HIVEP1: variants seen among roughly 807,000 people sequenced by gnomAD.
HIVEP1 encodes zinc finger protein 40.
In HIVEP1, 36 loss-of-function variants were observed where a neutral mutation model predicts 180.0. The observed-to-expected ratio is 0.20, with a 90% CI of 0.15 to 0.26. HIVEP1 has a LOEUF of 0.26. HIVEP1 is among the 10% of genes least tolerant of loss of function. The pLI, the probability that HIVEP1 is intolerant of heterozygous loss-of-function variation, is 1.00. For missense variants in HIVEP1, 3,143 were observed against 3,268.7 expected, an observed-to-expected ratio of 0.96 and a Z score of 0.94; for synonymous variants, 1,239 against 1,239.0, an observed-to-expected ratio of 1.00 and a Z score of 0.00.
chr6:12,139,474 T>C (rs74605239), intron 7 of HIVEP1, among the ~76,000 whole-genome samples: 1 of 152,300 alleles, frequency 6.6e-6, no homozygotes, highest in Admixed American at 6.5e-5. Context: ...GTTCATCTCA[T>C]TGGGACTGGT....
At chr6:12,168,063 AC>A (rs368042287), downstream of HIVEP1, among the ~76,000 whole-genome samples, 7,803 of 16,476 alleles carry the variant, frequency 0.47, 2,843 homozygotes, top group East Asian at 0.81. Context: ...GTGTATATAT[AC>A]ATATATATGT....
chr6:12,158,499 G>A (rs746386742), intron 7 of HIVEP1, among the ~76,000 whole-genome samples: 1 of 152,160 alleles, frequency 6.6e-6, no homozygotes, highest in Admixed American at 6.5e-5. Flanking sequence ...TTCTCTCCAA[G>A]CACTGTTTTG....
intron 2 of HIVEP1, among the ~76,000 whole-genome samples, chr6:12,056,460 A>C (rs966408405): frequency 7.2e-5 from 11 of 152,102 alleles, no homozygotes; most frequent in Non-Finnish European, 1.2e-4. Context: ...TTTGTTGTAC[A>C]TTTGAAAGTG....
chr6:12,061,866 C>A (rs1367101071), intron 2 of HIVEP1, among the ~76,000 whole-genome samples: 1 of 152,042 alleles, frequency 6.6e-6, no homozygotes, highest in South Asian at 2.1e-4. Flanking sequence ...AAATCTATTT[C>A]TCGTGAGGAA....
chr6:12,195,659 A>G, the HIVEP1 span, among the ~76,000 whole-genome samples: 1 of 14,860 alleles, frequency 6.7e-5, no homozygotes, highest in African/African-American at 1.0e-4. Context: ...GCTGGCATAC[A>G]GAATTTAACT....
chr6:12,040,472 G>T (rs1190983308), intron 2 of HIVEP1, among the ~76,000 whole-genome samples: 1 of 152,080 alleles, frequency 6.6e-6, no homozygotes, highest in Non-Finnish European at 1.5e-5. Flanking sequence ...ATTATCTGTA[G>T]ATTTTTGAGG....
intron 6 of HIVEP1, among the ~76,000 whole-genome samples, chr6:12,133,206 A>T (rs949343185): frequency 1.3e-5 from 2 of 152,204 alleles, no homozygotes; most frequent in Non-Finnish European, 2.9e-5. Flanking sequence ...TTATTTTGTG[A>T]GTACATTTTC....
chr6:12,100,377 G>A (rs1407403752), intron 3 of HIVEP1, among the ~76,000 whole-genome samples: 3 of 152,210 alleles, frequency 2.0e-5, no homozygotes, highest in Non-Finnish European at 2.9e-5. Flanking sequence ...CTACCGAATG[G>A]TTGCGGCTTG....
rs55846239 is a variant in HIVEP1, at chr6:12,096,563, A to T, written c.94+7326A>T. ...CATTTTACAATGATATTATTAAAAAAATATAATAATATTTTTGAAGATAAT... is the reference window on the plus strand; with the variant it reads ...CATTTTACAATGATATTATTAAAAATATATAATAATATTTTTGAAGATAAT... On this transcript the variant is annotated intron_variant, in intron 3 of 8. Transcript: ENST00000379388. 2.0e-5 allele frequency among the ~76,000 whole-genome samples: 3 copies of T among 151,938 alleles called. No homozygotes were observed. The South Asian group carries it at 6.2e-4, about 31-fold the overall frequency.
chr6:12,089,738 C>T (rs1773340366), intron 3 of HIVEP1, among the ~76,000 whole-genome samples: 1 of 151,944 alleles, frequency 6.6e-6, no homozygotes, highest in South Asian at 2.1e-4. Flanking sequence ...GTGTTAATTA[C>T]TTTAGTTGAT....
At chr6:12,087,437 AATAT>A (rs537388493) in intron 2 of HIVEP1, among the ~76,000 whole-genome samples, 30 of 152,246 alleles carry the variant, frequency 2.0e-4, no homozygotes, top group African/African-American at 7.2e-4. Flanking sequence ...TACTACTGTG[AATAT>A]ATAATACATA....
chr6:12,081,769 C>T (rs1772805454), intron 2 of HIVEP1, among the ~76,000 whole-genome samples: 1 of 152,188 alleles, frequency 6.6e-6, no homozygotes, highest in South Asian at 2.1e-4. Context: ...TCCCCTGCTC[C>T]TTCGCAGTTC....
rs1452560571 is a variant in HIVEP1, at chr6:12,016,883, A to C, written c.40+1215A>C. On this transcript the variant is annotated intron_variant, in intron 2 of 8. Transcript: ENST00000379388. Reference sequence around the variant, plus strand: ...AAAAGCCTCCAGACCCAAGGGTACCAGCTGAGGTGGGCATTTGGAGACATG... The same window carrying C: ...AAAAGCCTCCAGACCCAAGGGTACCCGCTGAGGTGGGCATTTGGAGACATG... Among the ~76,000 whole-genome samples, 4 of 152,312 alleles carry C rather than the reference A, an allele frequency of 2.6e-5. No individual in the cohort carries two copies. In the East Asian group the frequency reaches 7.7e-4, roughly 29 times the overall value.
chr6:12,116,611 C>T (rs1221029229), intron 3 of HIVEP1, among the ~76,000 whole-genome samples: 1 of 152,118 alleles, frequency 6.6e-6, no homozygotes, highest in Admixed American at 6.5e-5. Context: ...ACCTCCTCCC[C>T]TCCCAAGCAC....
chr6:12,056,558 G>A (rs1361150658), intron 2 of HIVEP1, among the ~76,000 whole-genome samples: 2 of 152,172 alleles, frequency 1.3e-5, no homozygotes, highest in Admixed American at 6.5e-5. Context: ...ATTTTGGGGG[G>A]ATTTGTCTAA....
At chr6:12,141,928 A>C (rs912556752) in intron 7 of HIVEP1, among the ~76,000 whole-genome samples, 1 of 152,072 alleles carries the variant, frequency 6.6e-6, no homozygotes, top group Non-Finnish European at 1.5e-5. Context: ...CCCATACAAT[A>C]ATAATGGGAG....
chr6:12,019,158 C>T (rs1768025542), intron 2 of HIVEP1, among the ~76,000 whole-genome samples: 1 of 152,120 alleles, frequency 6.6e-6, no homozygotes, highest in Non-Finnish European at 1.5e-5. Context: ...GGGAAGACTT[C>T]AGGGAAGCGG....
At chr6:12,020,601 A>T (rs1301839443) in intron 2 of HIVEP1, among the ~76,000 whole-genome samples, 3 of 152,058 alleles carry the variant, frequency 2.0e-5, no homozygotes, top group Non-Finnish European at 4.4e-5. Flanking sequence ...AAAGGGCTCT[A>T]TTCGTGTTTT....
chr6:12,164,532 TAA>T lies in HIVEP1; in HGVS notation c.*73_*74del. ...GTTTCTTTGAAAACCCTCCTTTCCT[TAA>T]AGCACATTTTTCTGACATAAACTCA... is the stretch of plus-strand genomic sequence containing the variant. On this transcript the variant is annotated 3_prime_UTR_variant, in exon 9 of 9. Transcript: ENST00000379388. The T allele has an allele frequency of 8.6e-7, 1 of 1,164,518 alleles. No individual in the cohort carries two copies. The highest frequency in any genetic ancestry group is 1.2e-6 in the Non-Finnish European group (1 of 841,280). 72.1% of individuals were successfully genotyped at this position (1,164,518 alleles called of 1,614,324 possible).
Sources: allele counts gnomAD v4.1 joint callset (sites outside exome capture counted in the v4.1 genomes callset), GRCh38; gene constraint gnomAD v4.1.1; transcripts MANE v1.5; gene names NCBI Gene and HGNC (gene_info 2026-07-23, HGNC 2026-07-21).